PPFIA1: variants seen among roughly 807,000 people sequenced by gnomAD.
PPFIA1 encodes PPFI scaffold protein A1.
Under a neutral mutation model 149.9 loss-of-function variants are expected in PPFIA1, and 25 were observed. The observed-to-expected ratio is 0.17, with a 90% CI of 0.12 to 0.23. The LOEUF (loss-of-function observed/expected upper bound fraction) is 0.23. Among genes scored for constraint, PPFIA1 ranks in the 10% least tolerant of loss-of-function variants. The probability of loss-of-function intolerance (pLI) is 1.00; values close to 1 mark genes in which losing one functional copy is unlikely to be tolerated. For missense variants in PPFIA1, 1,362 were observed against 1,506.5 expected (o/e 0.90, Z 1.59); for synonymous variants, 549 against 552.8 (o/e 0.99, Z 0.10).
intron 2 of PPFIA1, among the ~76,000 whole-genome samples, chr11:70,300,818 C>A (rs1009526213): frequency 6.6e-6 from 1 of 152,172 alleles, no homozygotes; most frequent in African/African-American, 2.4e-5. Context: ...CAGGCATGAG[C>A]CACCGCGCCC....
chr11:70,273,810 T>C (rs1313872713), intron 2 of PPFIA1, among the ~76,000 whole-genome samples: 1 of 152,254 alleles, frequency 6.6e-6, no homozygotes, highest in Non-Finnish European at 1.5e-5. Context: ...GTAGCCAATT[T>C]ATGTTTTACC....
intron 2 of PPFIA1, among the ~76,000 whole-genome samples, chr11:70,306,216 C>A (rs1439633782): frequency 7.1e-6 from 1 of 140,616 alleles, no homozygotes; most frequent in Non-Finnish European, 1.5e-5. Flanking sequence ...TGCTTGTGAT[C>A]TTTAATTTTT....
At chr11:70,358,753 G>A (rs1028435599) in intron 19 of PPFIA1, 6 of 152,346 alleles carry the variant, frequency 3.9e-5, no homozygotes, top group African/African-American at 1.4e-4. Flanking sequence ...TTGGTGGCAA[G>A]CTGATTTCAA....
chr11:70,293,164 C>G (rs1476456384), intron 2 of PPFIA1, among the ~76,000 whole-genome samples: 1 of 152,240 alleles, frequency 6.6e-6, no homozygotes, highest in Non-Finnish European at 1.5e-5. Flanking sequence ...TAAACGGGAT[C>G]TTTTAACGGT....
At position 70,343,674 on chromosome 11, in the gene PPFIA1, A is replaced by G. The variant is rs756408095; in HGVS notation, c.1713A>G (p.Gln571=). Residue 571 remains glutamine, a synonymous_variant, in exon 15 of 28, where the codon CAA becomes CAG. Transcript: ENST00000253925. ...TTTGGTTTTCTTGTTTATAGGTACA[A>G]ACTCTTAATGAGCAGGATTGGGAAC... The part of the protein sequence containing the change: ...AALRDEPSKV[Q]TLNEQDWERA... The G allele has an allele frequency of 4.9e-5, 79 of 1,614,052 alleles. No individual in the cohort carries two copies. The highest frequency in any genetic ancestry group is 1.6e-4 in the Middle Eastern group (1 of 6,084).
intron 19 of PPFIA1, among the ~76,000 whole-genome samples, chr11:70,357,194 T>C (rs1040984301): frequency 2.0e-5 from 3 of 152,140 alleles, no homozygotes; most frequent in African/African-American, 4.8e-5. Flanking sequence ...AATGCCAGGC[T>C]TACAGGGTGA....
At chr11:70,368,982 G>T (rs1158364175) in intron 21 of PPFIA1, among the ~76,000 whole-genome samples, 4 of 148,348 alleles carry the variant, frequency 2.7e-5, no homozygotes, top group East Asian at 2.0e-4. Flanking sequence ...AAGAGACAGG[G>T]TCTCACCATG....
At position 70,292,919 on chromosome 11, in the gene PPFIA1, G is replaced by A. The variant is rs368291393; in HGVS notation, c.264+20483G>A. On this transcript the variant is annotated intron_variant, in intron 2 of 27. Coordinates refer to ENST00000253925, the MANE Select transcript of PPFIA1 (RefSeq NM_003626.5). ...GTGCACACACTTATGGTTCTTTAAC[G>A]GAGGGACTTGTCTCTCAGTTAGATC... Among the ~76,000 whole-genome samples the A allele has an allele frequency of 3.8e-4, 58 of 152,232 alleles. 2 individuals carry two copies. The East Asian group carries it at 6.6e-3, about 17-fold the overall frequency.
intron 21 of PPFIA1, chr11:70,366,009 C>A (rs776358383): frequency 2.2e-6 from 1 of 448,432 alleles, no homozygotes; most frequent in South Asian, 1.6e-5. Context: ...ACATGTACAG[C>A]AGCAAAAAGC....
At chr11:70,335,995 A>T (rs117335652) in intron 11 of PPFIA1, among the ~76,000 whole-genome samples, 1 of 152,314 alleles carries the variant, frequency 6.6e-6, no homozygotes, top group East Asian at 1.9e-4. Context: ...TTTAGTAGTT[A>T]TGAGTAATTA....
intron 16 of PPFIA1, chr11:70,349,954 C>T (rs1229749342): frequency 2.2e-6 from 1 of 455,766 alleles, no homozygotes; most frequent in Non-Finnish European, 4.4e-6. Flanking sequence ...ATCCAGACCT[C>T]AGGTCCCCAT....
chr11:70,333,880 C>A (rs1438508722), intron 10 of PPFIA1, among the ~76,000 whole-genome samples: 1 of 152,154 alleles, frequency 6.6e-6, no homozygotes, highest in African/African-American at 2.4e-5. Context: ...GCGTGGCCCC[C>A]CTACCCCCTG....
intron 2 of PPFIA1, among the ~76,000 whole-genome samples, chr11:70,300,839 A>G (rs1293804446): frequency 6.6e-6 from 1 of 152,148 alleles, no homozygotes; most frequent in Non-Finnish European, 1.5e-5. Context: ...GGCCTACTCC[A>G]ACTTTTAAAA....
chr11:70,359,353 A>T (rs1200255891), intron 19 of PPFIA1, among the ~76,000 whole-genome samples: 1 of 152,154 alleles, frequency 6.6e-6, no homozygotes, highest in Non-Finnish European at 1.5e-5. Context: ...TGCTGACTCC[A>T]TCCATTTCTC....
At chr11:70,280,393 A>G (rs986847108) in intron 2 of PPFIA1, among the ~76,000 whole-genome samples, 5 of 151,596 alleles carry the variant, frequency 3.3e-5, no homozygotes, top group African/African-American at 1.2e-4. Flanking sequence ...ACATGGTGAA[A>G]CCCTGTCTCT....
chr11:70,279,378 T>C (rs1186181620), intron 2 of PPFIA1: 1 of 181,444 alleles, frequency 5.5e-6, no homozygotes, highest in African/African-American at 2.4e-5. Flanking sequence ...CATCTACTCA[T>C]TCCTCACACC....
At position 70,337,438 on chromosome 11, in the gene PPFIA1, C is replaced by A; in HGVS notation, c.1491+11C>A. 2 of 1,573,308 alleles carry A rather than the reference C, an allele frequency of 1.3e-6. No homozygotes were observed. Among genetic ancestry groups the A allele is most frequent in the Non-Finnish European group, 1.7e-6 (2 of 1,155,048 alleles). ...ACACAACACGATAAGGTACTGAAAT[C>A]TTCTCTAAATCCATGAAGAGCCAAG... On this transcript the variant is annotated intron_variant, in intron 12 of 27. Coordinates refer to ENST00000253925, the MANE Select transcript of PPFIA1 (RefSeq NM_003626.5).
At position 70,372,546 on chromosome 11, in the gene PPFIA1, A is replaced by G; in HGVS notation, c.3111A>G (p.Lys1037=). 6.2e-7 allele frequency: 1 copy of G among 1,612,958 alleles called. No individual in the cohort carries two copies. ...LNYDRKELER[K]REESQSEIKD... Reference sequence around the variant, plus strand: ...ATGACCGGAAAGAACTGGAAAGAAAAAGAGAAGAAAGTCAGAGTGAAATAA... The same window carrying G: ...ATGACCGGAAAGAACTGGAAAGAAAGAGAGAAGAAAGTCAGAGTGAAATAA... Residue 1037 remains lysine, a synonymous_variant, in exon 23 of 28, where the codon AAA becomes AAG. Coordinates refer to ENST00000253925, the MANE Select transcript of PPFIA1 (RefSeq NM_003626.5).
In PPFIA1 at chr11:70,355,402, C is replaced by T. The variant is rs377430282; in HGVS notation, c.2316-237C>T. 5.3e-5 allele frequency among the ~76,000 whole-genome samples: 8 copies of T among 152,102 alleles called. No homozygotes were observed. In the South Asian group the frequency reaches 1.0e-3, roughly 20 times the overall value. On this transcript the variant is annotated intron_variant, in intron 17 of 27. Coordinates refer to ENST00000253925, the MANE Select transcript of PPFIA1 (RefSeq NM_003626.5). The stretch of plus-strand genomic sequence containing the variant: ...CATTGGGCTTTGGCACCTGATGGCG[C>T]GGAGTCAGGGCCTCCCCTGAAGGGG...
Sources: allele counts gnomAD v4.1 joint callset (sites outside exome capture counted in the v4.1 genomes callset), GRCh38; gene constraint gnomAD v4.1.1; transcripts MANE v1.5; gene names NCBI Gene and HGNC (gene_info 2026-07-23, HGNC 2026-07-21).